Variants in DCC observed in about 807,000 individuals in gnomAD.
The protein encoded by DCC is netrin receptor DCC.
In DCC, 58 loss-of-function variants were observed where a neutral mutation model predicts 172.5. The observed-to-expected ratio is 0.34, with a 90% CI of 0.27 to 0.42. The LOEUF is 0.42. Ranked by LOEUF, DCC falls within the 10% of genes least tolerant of loss-of-function variation. The probability of loss-of-function intolerance (pLI) is 1.00; values close to 1 mark genes in which losing one functional copy is unlikely to be tolerated. For synonymous variants in DCC, 709 were observed against 644.5 expected, an observed-to-expected ratio of 1.10 and a Z score of -1.52; for missense variants, 1,740 against 1,791.0, an observed-to-expected ratio of 0.97 and a Z score of 0.51.
chr18:52,839,931 G>A (rs1011303586), intron 2 of DCC, among the ~76,000 whole-genome samples: 2 of 152,156 alleles, frequency 1.3e-5, no homozygotes, highest in Admixed American at 1.3e-4. Flanking sequence ...ATAAAACATA[G>A]TTCACTTCTT....
At chr18:52,612,416 T>C (rs930284099) in intron 1 of DCC, among the ~76,000 whole-genome samples, 5 of 152,162 alleles carry the variant, frequency 3.3e-5, no homozygotes, top group Admixed American at 6.6e-5. Flanking sequence ...TTCTACAAAA[T>C]TCATTGCTCC....
At chr18:52,804,733 GCCA>G (rs2038056654) in intron 2 of DCC, among the ~76,000 whole-genome samples, 1 of 152,116 alleles carries the variant, frequency 6.6e-6, no homozygotes, top group African/African-American at 2.4e-5. Flanking sequence ...ACAGGCATGT[GCCA>G]CCAAGCCCAG....
At chr18:52,745,059 CCAAA>C (rs2036885954) in intron 1 of DCC, among the ~76,000 whole-genome samples, 1 of 152,046 alleles carries the variant, frequency 6.6e-6, no homozygotes, top group Non-Finnish European at 1.5e-5. Context: ...CATTTGGGGC[CCAAA>C]CAGTGTGCTG....
At chr18:52,784,249 GA>G (rs2037609862) in intron 2 of DCC, among the ~76,000 whole-genome samples, 1 of 150,338 alleles carries the variant, frequency 6.7e-6, no homozygotes, top group African/African-American at 2.4e-5. Context: ...GCAAATAACA[GA>G]ATTTCTTTTT....
rs375191300 is a variant in DCC, at chr18:53,087,428, C to T, written c.1261+21262C>T. Among the ~76,000 whole-genome samples, 503 of 151,608 alleles carry T rather than the reference C, an allele frequency of 3.3e-3. 4 individuals carry two copies. Among genetic ancestry groups the T allele is most frequent in the East Asian group, 0.022 (113 of 5,150 alleles). On this transcript the variant is annotated intron_variant, in intron 7 of 28. Transcript: ENST00000442544. Reference sequence around the variant, plus strand: ...TTGAGAAGTGTCTGTTCATGTCCTTCGCCCACTTTTTGATGGGGTTGTTTG... The same window carrying T: ...TTGAGAAGTGTCTGTTCATGTCCTTTGCCCACTTTTTGATGGGGTTGTTTG...
chr18:53,025,271 G>A (rs990294515), intron 5 of DCC, among the ~76,000 whole-genome samples: 1 of 152,076 alleles, frequency 6.6e-6, no homozygotes, highest in Non-Finnish European at 1.5e-5. Context: ...CTGGAAGATC[G>A]AAAAGATTTG....
At chr18:53,024,162 C>A (rs950598829) in intron 5 of DCC, among the ~76,000 whole-genome samples, 2 of 152,026 alleles carry the variant, frequency 1.3e-5, no homozygotes, top group African/African-American at 4.8e-5. Flanking sequence ...TAGCTCAGGA[C>A]GTTTAACTTT....
At chr18:52,896,755 G>A (rs572708254) in intron 2 of DCC, among the ~76,000 whole-genome samples, 10 of 152,214 alleles carry the variant, frequency 6.6e-5, no homozygotes, top group African/African-American at 1.7e-4. Flanking sequence ...GCCAGCTCAC[G>A]CTTGTCTGAT....
chr18:52,987,796 C>A (rs570335100), intron 5 of DCC, among the ~76,000 whole-genome samples: 3 of 152,208 alleles, frequency 2.0e-5, no homozygotes, highest in East Asian at 1.9e-4. Context: ...CCTGAATTCT[C>A]TGGCTTACCA....
At chr18:52,717,008 G>A (rs2036394634) in intron 1 of DCC, among the ~76,000 whole-genome samples, 1 of 152,160 alleles carries the variant, frequency 6.6e-6, no homozygotes, top group Non-Finnish European at 1.5e-5. Context: ...TGCCTGCCAA[G>A]TATGTTCTGC....
chr18:53,053,154 A>AAAACAAAC lies in DCC; in HGVS notation c.986-10139_986-10132dup, dbSNP rs1158779309. ...CAAGACTCCATCTCAAACAAAATCAAAAACAAACAAACAAACAAAACAAAA... is the reference window on the plus strand; with the variant it reads ...CAAGACTCCATCTCAAACAAAATCAAAAACAAACAAACAAACAAACAAACAAAACAAAA... On this transcript the variant is annotated intron_variant, in intron 5 of 28. Coordinates refer to ENST00000442544, the MANE Select transcript of DCC (RefSeq NM_005215.4). Among the ~76,000 whole-genome samples the AAAACAAAC allele has an allele frequency of 3.9e-5, 6 of 152,090 alleles. No homozygotes were observed. In the East Asian group the frequency reaches 1.2e-3, roughly 29 times the overall value.
chr18:53,240,994 TG>T (rs1366934137), intron 12 of DCC, among the ~76,000 whole-genome samples: 3 of 152,154 alleles, frequency 2.0e-5, no homozygotes, highest in Non-Finnish European at 2.9e-5. Flanking sequence ...TGAAATGTGC[TG>T]GGGAGTTGGA....
intron 1 of DCC, among the ~76,000 whole-genome samples, chr18:52,355,189 A>G (rs1469071042): frequency 6.6e-6 from 1 of 150,550 alleles, no homozygotes; most frequent in African/African-American, 2.5e-5. Context: ...GTGGAAGTCA[A>G]GACAAGATGA....
At chr18:52,389,915 A>C (rs1245261759) in intron 1 of DCC, among the ~76,000 whole-genome samples, 1 of 152,096 alleles carries the variant, frequency 6.6e-6, no homozygotes, top group African/African-American at 2.4e-5. Flanking sequence ...AGAAACTATT[A>C]AGTACTAACC....
At chr18:52,560,754 G>C (rs2033017741) in intron 1 of DCC, among the ~76,000 whole-genome samples, 1 of 152,148 alleles carries the variant, frequency 6.6e-6, no homozygotes, top group Non-Finnish European at 1.5e-5. Context: ...CTGCCCTAGA[G>C]ATGTTTGTAT....
chr18:52,578,061 G>T (rs939765863), intron 1 of DCC, among the ~76,000 whole-genome samples: 1 of 152,076 alleles, frequency 6.6e-6, no homozygotes, highest in African/African-American at 2.4e-5. Context: ...CATCCCTCAG[G>T]CTTTATCTCC....
chr18:52,792,352 T>G (rs2037787302), intron 2 of DCC, among the ~76,000 whole-genome samples: 1 of 152,170 alleles, frequency 6.6e-6, no homozygotes, highest in Non-Finnish European at 1.5e-5. Context: ...GATTAAGAGA[T>G]GTGATGGTCA....
chr18:53,525,687 A>C (rs2046446913), intron 27 of DCC, among the ~76,000 whole-genome samples: 1 of 152,044 alleles, frequency 6.6e-6, no homozygotes, highest in African/African-American at 2.4e-5. Context: ...TTCTTGGCAA[A>C]ATATAGGACC....
intron 1 of DCC, 86 bp from the exon 2 acceptor site, chr18:52,751,968 A>C (rs893555304): frequency 8.5e-7 from 1 of 1,180,726 alleles, no homozygotes; most frequent in Middle Eastern, 1.9e-4. Flanking sequence ...GCTTTTGTGA[A>C]AAGCTTTGTA....
Sources: allele counts gnomAD v4.1 joint callset (sites outside exome capture counted in the v4.1 genomes callset), GRCh38; gene constraint gnomAD v4.1.1; transcripts MANE v1.5; gene names NCBI Gene and HGNC (gene_info 2026-07-23, HGNC 2026-07-21).